The following HDLBP variants were observed in gnomAD, a reference collection of about 807,000 sequenced individuals.
HDLBP encodes the protein vigilin.
HDLBP carries 30 observed loss-of-function variants against 137.3 expected under a neutral mutation model. The observed-to-expected ratio is 0.22, with a 90% CI of 0.16 to 0.30. The LOEUF is 0.30. Among genes scored for constraint, HDLBP ranks in the 10% least tolerant of loss-of-function variants. The pLI, the probability that HDLBP is intolerant of heterozygous loss-of-function variation, is 1.00. For synonymous variants in HDLBP, 606 were observed against 596.0 expected (o/e 1.02, Z -0.24); for missense variants, 1,119 against 1,667.3 (o/e 0.67, Z 5.73).
intron 1 of HDLBP, among the ~76,000 whole-genome samples, chr2:241,279,572 A>G (rs2074522952): frequency 1.3e-5 from 2 of 152,212 alleles, no homozygotes; most frequent in Admixed American, 1.3e-4. Flanking sequence ...CAGACACCAC[A>G]GACACTGACA....
chr2:241,285,595 C>T (rs541912296), intron 1 of HDLBP, among the ~76,000 whole-genome samples: 2 of 152,306 alleles, frequency 1.3e-5, no homozygotes, highest in African/African-American at 4.8e-5. Flanking sequence ...GTTTTACTTG[C>T]TCTCAAACCT....
intron 23 of HDLBP, among the ~76,000 whole-genome samples, chr2:241,234,214 G>T (rs577729148): frequency 3.3e-4 from 51 of 152,354 alleles, no homozygotes; most frequent in African/African-American, 1.2e-3. Context: ...GGGACCACTT[G>T]CGAGGATCGT....
intron 1 of HDLBP, among the ~76,000 whole-genome samples, chr2:241,289,673 G>A (rs778954648): frequency 2.6e-4 from 39 of 152,176 alleles, no homozygotes; most frequent in Non-Finnish European, 4.3e-4. Context: ...GATAAAGACA[G>A]CTTCTCTGCA....
intron 5 of HDLBP, among the ~76,000 whole-genome samples, chr2:241,257,546 A>G (rs1300579848): frequency 6.6e-6 from 1 of 152,172 alleles, no homozygotes; most frequent in Admixed American, 6.5e-5. Flanking sequence ...ATGTGTTTCT[A>G]ATAGAAAAAA....
At chr2:241,258,631 C>T (rs991534535) in intron 5 of HDLBP, among the ~76,000 whole-genome samples, 52 of 152,062 alleles carry the variant, frequency 3.4e-4, no homozygotes, top group African/African-American at 1.2e-3. Flanking sequence ...AGATCAGAAA[C>T]TGAAATGTAA....
intron 21 of HDLBP, chr2:241,236,400 T>G: frequency 1.7e-6 from 1 of 584,528 alleles, no homozygotes; most frequent in Non-Finnish European, 3.0e-6. Context: ...AGAAAGGGGC[T>G]ATAGAACCCC....
chr2:241,267,654 C>A (rs1319520038), intron 2 of HDLBP: 1 of 1,535,710 alleles, frequency 6.5e-7, no homozygotes. Flanking sequence ...TGCATCCAGG[C>A]CCCAAACTAA....
rs144143263 is a variant in HDLBP at position 241,238,327 on chromosome 2, C to G, written c.2749+322G>C. 182 of 194,446 alleles carry G rather than the reference C, an allele frequency of 9.4e-4. 2 individuals are homozygous for G. In the South Asian group the frequency reaches 0.022, roughly 24 times the overall value. 12.0% of individuals were successfully genotyped at this position (194,446 alleles called of 1,614,324 possible). A position where few individuals can be genotyped will look rare whatever the true frequency, so the allele number is the denominator to read the frequency against. ...AGGAAGCTCTACGACGGGGCTCATG[C>G]GATCCAAACGATGTCATGAGAATCA... On this transcript the variant is annotated intron_variant, in intron 20 of 27. Coordinates refer to ENST00000310931, the MANE Select transcript of HDLBP (RefSeq NM_005336.6). The surrounding 1 kb of genome is among the most constrained non-coding windows in gnomAD (Gnocchi z 4.9).
chr2:241,246,050 G>A (rs1018317085), intron 16 of HDLBP, among the ~76,000 whole-genome samples: 1 of 152,124 alleles, frequency 6.6e-6, no homozygotes, highest in African/African-American at 2.4e-5. Flanking sequence ...CAAAGAAACA[G>A]ATGATCTATC....
intron 5 of HDLBP, among the ~76,000 whole-genome samples, chr2:241,258,333 C>A (rs1220298429): frequency 9.1e-6 from 1 of 109,402 alleles, no homozygotes; most frequent in Non-Finnish European, 1.7e-5. Flanking sequence ...GGCGACAGAG[C>A]AAGACTCCGT....
chr2:241,235,025 G>A, intron 23 of HDLBP, 96 bp downstream of exon 23: 2 of 1,453,364 alleles, frequency 1.4e-6, no homozygotes, highest in South Asian at 2.5e-5. Context: ...GATGTCGCTG[G>A]GATGCTGGGA....
At chr2:241,297,261 G>A (rs1241590409) in intron 1 of HDLBP, among the ~76,000 whole-genome samples, 1 of 152,184 alleles carries the variant, frequency 6.6e-6, no homozygotes, top group African/African-American at 2.4e-5. Context: ...GAGGCAGCGG[G>A]CATCCAAGCA....
rs34604215 is a variant in HDLBP at position 241,310,654 on chromosome 2, TAGAG to T, written c.-103+4912_-103+4915del. Among the ~76,000 whole-genome samples, 933 of 151,642 alleles carry T rather than the reference TAGAG, an allele frequency of 6.2e-3. 5 individuals carry two copies. The highest frequency in any genetic ancestry group is 0.022 in the African/African-American group (891 of 41,350). On this transcript the variant is annotated intron_variant, in intron 1 of 27. Transcript: ENST00000310931. ...TCCAGAAAGTCCAAGAGTAGAATTC[TAGAG>T]AGAGAGAGAGAAAGCAAATAGGAAG...
chr2:241,311,138 G>C (rs1236342321), intron 1 of HDLBP, among the ~76,000 whole-genome samples: 1 of 151,134 alleles, frequency 6.6e-6, no homozygotes. Flanking sequence ...AAGAAAGAAA[G>C]AAGAAAAAAA....
chr2:241,287,413 TTTC>T (rs2074857305), intron 1 of HDLBP, among the ~76,000 whole-genome samples: 1 of 144,654 alleles, frequency 6.9e-6, no homozygotes. Context: ...GGCCTATTTC[TTTC>T]TTTCTTTTTT....
chr2:241,311,779 G>T (rs1283949585), intron 1 of HDLBP, among the ~76,000 whole-genome samples: 2 of 152,174 alleles, frequency 1.3e-5, no homozygotes, highest in Non-Finnish European at 2.9e-5. Flanking sequence ...GCTGTAAATG[G>T]CAATATGTAG....
intron 1 of HDLBP, among the ~76,000 whole-genome samples, chr2:241,294,779 A>C (rs1454674712): frequency 6.6e-6 from 1 of 152,254 alleles, no homozygotes; most frequent in Non-Finnish European, 1.5e-5. Context: ...CAGTTTTAAA[A>C]TTAGAAAATA....
Position 241,240,875 on chromosome 2 carries a change from C to T in HDLBP, c.2170-753G>A, listed in dbSNP as rs942720091. Among the ~76,000 whole-genome samples, 2 of 152,172 alleles carry T rather than the reference C, an allele frequency of 1.3e-5. No homozygotes were observed. The highest frequency in any genetic ancestry group is 2.9e-5 in the Non-Finnish European group (2 of 68,022). ...ACGGGACTCAGGTCCACACGGGGAG[C>T]TCTTGCCTTTCTCCGGACCCAAGAT... is the stretch of plus-strand genomic sequence containing the variant. On this transcript the variant is annotated intron_variant, in intron 17 of 27. Coordinates refer to ENST00000310931, the MANE Select transcript of HDLBP (RefSeq NM_005336.6). The surrounding 1 kb of genome is among the most constrained non-coding windows in gnomAD (Gnocchi z 5.5).
At chr2:241,231,858 C>G (rs1349065937) in intron 24 of HDLBP, among the ~76,000 whole-genome samples, 5 of 152,092 alleles carry the variant, frequency 3.3e-5, no homozygotes, top group African/African-American at 7.2e-5. Context: ...GTCCACAACA[C>G]AAAAACCACC....
Sources: gnomAD v4.1 joint callset for allele counts (sites outside exome capture counted in the v4.1 genomes callset) on GRCh38, gnomAD v4.1.1 for gene constraint, Gnocchi (gnomAD v3.1) non-coding constraint, MANE v1.5 for transcripts, NCBI Gene and HGNC (gene_info 2026-07-23, HGNC 2026-07-21) for gene names.